FAXC: variants seen among roughly 807,000 people sequenced by gnomAD.
FAXC encodes the protein failed axon connections homolog.
Under a neutral mutation model 41.9 loss-of-function variants are expected in FAXC, and 10 were observed. The observed-to-expected ratio is 0.24, with a 90% CI of 0.15 to 0.41. The LOEUF (loss-of-function observed/expected upper bound fraction) is 0.41. Among genes scored for constraint, FAXC ranks in the 10% least tolerant of loss-of-function variants. The pLI is 1.00. For missense variants in FAXC, 399 were observed against 510.9 expected (o/e 0.78, Z 2.11); for synonymous variants, 183 against 183.8 (o/e 1.00, Z 0.03).
At chr6:99,290,714 T>A (rs1045424962) in intron 5 of FAXC, among the ~76,000 whole-genome samples, 10 of 150,790 alleles carry the variant, frequency 6.6e-5, no homozygotes, top group South Asian at 4.2e-4. Context: ...AAATAAAAAA[T>A]AATAATAATA....
At chr6:99,333,286 C>G (rs1033968545) in intron 3 of FAXC, 65 bp downstream of exon 3, 4 of 1,368,058 alleles carry the variant, frequency 2.9e-6, no homozygotes, top group Non-Finnish European at 4.0e-6. Flanking sequence ...GAAAGAGGAT[C>G]TGAAAAGTGA....
At chr6:99,325,484 T>C (rs899282510) in intron 3 of FAXC, among the ~76,000 whole-genome samples, 6 of 152,220 alleles carry the variant, frequency 3.9e-5, no homozygotes, top group African/African-American at 1.4e-4. Context: ...CAAGAAATAG[T>C]TTTTCCCCAA....
Position 99,331,736 on chromosome 6 carries a change from C to T in FAXC, c.599+1615G>A, listed in dbSNP as rs374702670. 2.6e-5 allele frequency among the ~76,000 whole-genome samples: 4 copies of T among 152,214 alleles called. No individual in the cohort carries two copies. In the South Asian group the frequency reaches 6.2e-4, roughly 24 times the overall value. ...AGGTAGTGCCTTGGAGGGCCTCTGT[C>T]GAGGGAAGGAACATGGGTCACGTGG... On this transcript the variant is annotated intron_variant, in intron 3 of 5. Transcript: ENST00000389677.
intron 3 of FAXC, among the ~76,000 whole-genome samples, chr6:99,332,434 A>C (rs913035547): frequency 2.0e-5 from 3 of 152,224 alleles, no homozygotes; most frequent in African/African-American, 7.2e-5. Context: ...AATCAAGAGA[A>C]ACTTTCTCTA....
At chr6:99,284,559 CTGTGTGTGTGTGTGTGTGTGTG>C (rs74553398) in intron 5 of FAXC, among the ~76,000 whole-genome samples, 3 of 118,818 alleles carry the variant, frequency 2.5e-5, no homozygotes, top group African/African-American at 1.1e-4. Context: ...TGTGGAGTGT[CTGTGTGTGTGTGTGTGTGTGTG>C]TGTGTGTGTG....
At chr6:99,285,012 T>C (rs1339747342) in intron 5 of FAXC, among the ~76,000 whole-genome samples, 1 of 107,836 alleles carries the variant, frequency 9.3e-6, no homozygotes, top group Admixed American at 1.0e-4. Flanking sequence ...AACAGTTTCA[T>C]CTACTTGACT....
chr6:99,282,667 C>T (rs2128446687), intron 5 of FAXC, among the ~76,000 whole-genome samples: 1 of 152,198 alleles, frequency 6.6e-6, no homozygotes, highest in African/African-American at 2.4e-5. Flanking sequence ...CAGCAGATGG[C>T]AACATTGCTT....
rs759493350 is a variant in FAXC at position 99,275,726 on chromosome 6, G to A, written c.*5438C>T. 6 of 152,126 alleles carry A rather than the reference G, an allele frequency of 3.9e-5. No individual in the cohort carries two copies. The highest frequency in any genetic ancestry group is 7.4e-5 in the Non-Finnish European group (5 of 68,014). The allele number at this position is 152,126 out of a possible 1,614,324, so 9.4% of individuals were successfully genotyped here. On this transcript the variant is annotated 3_prime_UTR_variant, in exon 6 of 6. Coordinates refer to ENST00000389677, the MANE Select transcript of FAXC (RefSeq NM_032511.4). ...CCAGCAGTCTCATCTCAAAGATTAA[G>A]GAAACTTAAATATCCTTAAGATATT... is the stretch of plus-strand genomic sequence containing the variant.
intron 3 of FAXC, among the ~76,000 whole-genome samples, chr6:99,325,000 A>G (rs757201378): frequency 2.6e-5 from 4 of 152,174 alleles, no homozygotes; most frequent in Non-Finnish European, 5.9e-5. Flanking sequence ...TGGGCAACAC[A>G]TAGTGGGACC....
intron 2 of FAXC, among the ~76,000 whole-genome samples, chr6:99,333,779 T>G (rs1773115257): frequency 6.6e-6 from 1 of 152,082 alleles, no homozygotes; most frequent in South Asian, 2.1e-4. Flanking sequence ...ATCGTGGACT[T>G]TGGCTTATGA....
At position 99,277,747 on chromosome 6, in the gene FAXC, A is replaced by G. The variant is rs1438830536; in HGVS notation, c.*3417T>C. 1 of 152,212 alleles carries G rather than the reference A, an allele frequency of 6.6e-6. No homozygotes were observed. The highest frequency in any genetic ancestry group is 1.9e-4 in the East Asian group (1 of 5,200). The allele number at this position is 152,212 out of a possible 1,614,324, so 9.4% of individuals were successfully genotyped here. ...CAACAAAGCCACAGTGGTATAATGG[A>G]AAGAACCATCAAGGGCAAGGTGGTA... On this transcript the variant is annotated 3_prime_UTR_variant, in exon 6 of 6. Transcript: ENST00000389677.
chr6:99,336,241 ATT>A (rs113973057), intron 2 of FAXC, among the ~76,000 whole-genome samples: 2 of 151,218 alleles, frequency 1.3e-5, no homozygotes, highest in African/African-American at 2.4e-5. Flanking sequence ...AAAAATGTTG[ATT>A]TTTTTTCTTT....
chr6:99,302,189 T>C (rs191349135), intron 4 of FAXC, among the ~76,000 whole-genome samples: 86 of 152,302 alleles, frequency 5.6e-4, no homozygotes, highest in African/African-American at 1.9e-3. Context: ...AAGATATTCA[T>C]TTCTTGCCAC....
chr6:99,287,545 T>C (rs529057332), intron 5 of FAXC, among the ~76,000 whole-genome samples: 1 of 152,228 alleles, frequency 6.6e-6, no homozygotes, highest in Non-Finnish European at 1.5e-5. Flanking sequence ...GTTCCAGAAG[T>C]AGCTTGTGTG....
intron 5 of FAXC, among the ~76,000 whole-genome samples, chr6:99,281,826 T>A (rs1209979787): frequency 6.6e-6 from 1 of 152,184 alleles, no homozygotes; most frequent in Non-Finnish European, 1.5e-5. Flanking sequence ...TTTTCCAGAC[T>A]CCACAACTGT....
chr6:99,318,306 C>CAAAAAA (rs1554201375), intron 4 of FAXC, among the ~76,000 whole-genome samples: 9,268 of 135,248 alleles, frequency 0.069, 618 homozygotes, highest in Non-Finnish European at 0.099. Flanking sequence ...CACACACACA[C>CAAAAAA]AAAATAGAAG....
chr6:99,306,905 G>A (rs1206528748), intron 4 of FAXC, among the ~76,000 whole-genome samples: 4 of 152,296 alleles, frequency 2.6e-5, no homozygotes, highest in South Asian at 2.1e-4. Context: ...TCCAACAACC[G>A]GGGATCACCT....
At position 99,295,512 on chromosome 6, in the gene FAXC, G is replaced by GTAA. The variant is rs1211792296; in HGVS notation, c.824-3695_824-3693dup. On this transcript the variant is annotated intron_variant, in intron 4 of 5. Transcript: ENST00000389677. ...ACAAAAAGGCTGACCCCTCACCTGA[G>GTAA]TAACGACGACAGATTTCCTTCTGCC... 3.3e-5 allele frequency among the ~76,000 whole-genome samples: 5 copies of GTAA among 152,296 alleles called. No homozygotes were observed. In the East Asian group the frequency reaches 9.7e-4, roughly 29 times the overall value.
In FAXC at chr6:99,280,750, CTGA is replaced by C. The variant is rs1183664285; in HGVS notation, c.*411_*413del. ...CAAGCAGCCACCGTAAAACATTTTT[CTGA>C]TGATATCTCTCATTACTTCAAATCC... is the stretch of plus-strand genomic sequence containing the variant. On this transcript the variant is annotated 3_prime_UTR_variant, in exon 6 of 6. Transcript: ENST00000389677. 1 of 190,876 alleles carries C rather than the reference CTGA, an allele frequency of 5.2e-6. No homozygotes were observed. Among genetic ancestry groups the C allele is most frequent in the Non-Finnish European group, 1.1e-5 (1 of 91,064 alleles). 11.8% of individuals were successfully genotyped at this position (190,876 alleles called of 1,614,324 possible).
Sources: allele counts gnomAD v4.1 joint callset (sites outside exome capture counted in the v4.1 genomes callset), GRCh38; gene constraint gnomAD v4.1.1; transcripts MANE v1.5; gene names NCBI Gene and HGNC (gene_info 2026-07-23, HGNC 2026-07-21).